LARP4B: variants seen among roughly 807,000 people sequenced by gnomAD.
The protein encoded by LARP4B is la-related protein 4B.
Under a neutral mutation model 89.8 loss-of-function variants are expected in LARP4B, and 12 were observed. The ratio of observed to expected loss-of-function variants is 0.13; its 90% CI spans 0.09 to 0.22. The LOEUF (loss-of-function observed/expected upper bound fraction) is 0.22. Ranked by LOEUF, LARP4B falls within the 10% of genes least tolerant of loss-of-function variation. The pLI, the probability that LARP4B is intolerant of heterozygous loss-of-function variation, is 1.00. For synonymous variants in LARP4B, 367 were observed against 363.3 expected (o/e 1.01, Z -0.12); for missense variants, 757 against 947.7 (o/e 0.80, Z 2.64).
At chr10:929,889 CT>C (rs1297839843) in intron 1 of LARP4B, among the ~76,000 whole-genome samples, 1 of 152,088 alleles carries the variant, frequency 6.6e-6, no homozygotes, top group Non-Finnish European at 1.5e-5. Flanking sequence ...AAATAATAAG[CT>C]TGTTAATCTG....
At position 811,948 on chromosome 10, in the gene LARP4B, A is replaced by G. The variant is rs749986012; in HGVS notation, c.*978T>C. ...GAACTTTATCCTCCACCAGCCAAAG[A>G]GGGGGAAAAACCACAAACACCATTC... On this transcript the variant is annotated 3_prime_UTR_variant, in exon 18 of 18. Transcript: ENST00000316157. 7 of 152,304 alleles carry G rather than the reference A, an allele frequency of 4.6e-5. No homozygotes were observed. Among genetic ancestry groups the G allele is most frequent in the African/African-American group, 1.2e-4 (5 of 41,440 alleles). 9.4% of individuals were successfully genotyped at this position (152,304 alleles called of 1,614,324 possible). A position where few individuals can be genotyped will look rare whatever the true frequency, so the allele number is the denominator to read the frequency against.
chr10:970,056 G>A, the LARP4B span, among the ~76,000 whole-genome samples: 1 of 152,134 alleles, frequency 6.6e-6, no homozygotes, highest in African/African-American at 2.4e-5. Flanking sequence ...CAGGGCCGTC[G>A]GGCAGTGACT....
chr10:818,820 C>G (rs951465121), intron 14 of LARP4B: 2 of 152,222 alleles, frequency 1.3e-5, no homozygotes, highest in African/African-American at 2.4e-5. Context: ...ATCCACCTAA[C>G]TGGAAAGTGC....
At chr10:834,262 C>A (rs566891749) in intron 8 of LARP4B, among the ~76,000 whole-genome samples, 2 of 152,278 alleles carry the variant, frequency 1.3e-5, no homozygotes, top group Non-Finnish European at 2.9e-5. Context: ...AGATAAAACA[C>A]ATCAACGCAA....
chr10:935,896 T>G (rs768382034), upstream of LARP4B, among the ~76,000 whole-genome samples: 7 of 148,990 alleles, frequency 4.7e-5, no homozygotes, highest in Non-Finnish European at 8.9e-5. Context: ...TTTTTGTTGT[T>G]TTTTTTTTTT....
the LARP4B span, among the ~76,000 whole-genome samples, chr10:970,418 A>C: frequency 1.3e-5 from 2 of 152,274 alleles, no homozygotes; most frequent in East Asian, 3.9e-4. Context: ...ATTAAGCAAT[A>C]TCTTCCACCC....
At position 863,890 on chromosome 10, in the gene LARP4B, T is replaced by G. The variant is rs1834757532; in HGVS notation, c.290-7A>C. The G allele has an allele frequency of 6.2e-7, 1 of 1,606,654 alleles. No individual in the cohort carries two copies. Among genetic ancestry groups the G allele is most frequent in the African/African-American group, 1.3e-5 (1 of 74,426 alleles). ...TCACCATTGGCATCCGATCCTACAA[T>G]TAGGAGTTTACCCCAAAAAGGCAGG... On this transcript the variant is annotated splice_polypyrimidine_tract_variant and splice_region_variant and intron_variant, in intron 4 of 17. Coordinates refer to ENST00000316157, the MANE Select transcript of LARP4B (RefSeq NM_015155.3).
intron 8 of LARP4B, among the ~76,000 whole-genome samples, chr10:831,921 A>G (rs1041501771): frequency 2.0e-5 from 3 of 152,280 alleles, no homozygotes; most frequent in African/African-American, 7.2e-5. Context: ...AGACCTAGAA[A>G]TGACAGATAC....
intron 14 of LARP4B, 152 bp downstream of exon 14, chr10:820,647 AG>A: frequency 1.5e-6 from 1 of 686,610 alleles, no homozygotes; most frequent in Non-Finnish European, 2.4e-6. Flanking sequence ...TAGGCCAGCC[AG>A]GGTGTCAGTT....
Position 887,504 on chromosome 10 carries a change from C to G in LARP4B, c.-39-1744G>C, listed in dbSNP as rs1311340016. ...GGCGGATGGATCACCTGAGGTAAGG[C>G]GTTCGAGACCAGCCTGGCCAACATG... On this transcript the variant is annotated intron_variant, in intron 1 of 17. Coordinates refer to ENST00000316157, the MANE Select transcript of LARP4B (RefSeq NM_015155.3). 4.7e-5 allele frequency among the ~76,000 whole-genome samples: 7 copies of G among 149,172 alleles called. No individual in the cohort carries two copies. The East Asian group carries it at 8.0e-4, about 17-fold the overall frequency.
At chr10:836,348 C>A in intron 8 of LARP4B, 55 bp downstream of exon 8, 2 of 1,259,402 alleles carry the variant, frequency 1.6e-6, no homozygotes, top group Non-Finnish European at 2.3e-6. Context: ...AAATCAAAAC[C>A]AACAAAGACC....
At position 816,480 on chromosome 10, in the gene LARP4B, C is replaced by A. The variant is rs145473571; in HGVS notation, c.1695+1245G>T. On this transcript the variant is annotated intron_variant, in intron 15 of 17. Transcript: ENST00000316157. ...TACACCTGGGTGGTGGCATAAGGCT[C>A]AGGGTCAGGCTTTTCAAAGAAGCAA... 3.2e-3 allele frequency among the ~76,000 whole-genome samples: 480 copies of A among 152,312 alleles called. 1 individual carries two copies. Among genetic ancestry groups the A allele is most frequent in the African/African-American group, 0.011 (450 of 41,576 alleles).
rs770870611 is a variant in LARP4B, at chr10:817,763, T to C, written c.1657A>G (p.Arg553Gly). Reference sequence around the variant, plus strand: ...GGTCCTATTATCAAGCTAGATAGCCTGTTTTCAAACAAGTCCTCTGTCTTC... The same window carrying C: ...GGTCCTATTATCAAGCTAGATAGCCCGTTTTCAAACAAGTCCTCTGTCTTC... ...NLKTEDLFEN[R>G]LSSLIIGPSK... The change falls in exon 15 of 18, where the codon AGG becomes GGG. Residue 553 changes from arginine to glycine, a missense_variant. Physicochemically the swap from Arg to Gly is moderately radical, Grantham distance 125 (BLOSUM62 -2). Coordinates refer to ENST00000316157, the MANE Select transcript of LARP4B (RefSeq NM_015155.3). 4 of 1,614,224 alleles carry C rather than the reference T, an allele frequency of 2.5e-6. No homozygotes were observed. The highest frequency in any genetic ancestry group is 3.3e-4 in the Middle Eastern group (2 of 6,062).
intron 1 of LARP4B, among the ~76,000 whole-genome samples, chr10:924,730 AG>A (rs1223280219): frequency 3.9e-5 from 6 of 152,190 alleles, no homozygotes; most frequent in Non-Finnish European, 7.4e-5. Flanking sequence ...TCACAACCTC[AG>A]GGAAGCCTTC....
chr10:815,125 G>C (rs1028113943), intron 15 of LARP4B, 55 bp from the exon 16 acceptor site: 11 of 1,502,564 alleles, frequency 7.3e-6, no homozygotes, highest in Non-Finnish European at 9.8e-6. Context: ...AGCGGAGCTG[G>C]TACCAGTGCC....
At chr10:917,963 T>A (rs1836870140) in intron 1 of LARP4B, among the ~76,000 whole-genome samples, 1 of 152,218 alleles carries the variant, frequency 6.6e-6, no homozygotes. Context: ...AAAACTATAG[T>A]ACCCATGTTA....
the LARP4B span, chr10:942,741 T>C: frequency 6.6e-6 from 1 of 152,062 alleles, no homozygotes; most frequent in Non-Finnish European, 1.5e-5. Flanking sequence ...AAAATTCTGA[T>C]AATTTTGTGA....
At chr10:825,928 T>A in intron 11 of LARP4B, 58 bp from the exon 12 acceptor site, 2 of 1,096,950 alleles carry the variant, frequency 1.8e-6, no homozygotes, top group Non-Finnish European at 2.7e-6. Context: ...TCAATTTCAT[T>A]AATACCAACA....
intron 1 of LARP4B, among the ~76,000 whole-genome samples, chr10:887,074 T>G (rs1418189469): frequency 6.7e-6 from 1 of 149,368 alleles, no homozygotes; most frequent in African/African-American, 2.5e-5. Flanking sequence ...GCAACAAGAG[T>G]GAAACTCCAC....
Sources: gnomAD v4.1 joint callset for allele counts (sites outside exome capture counted in the v4.1 genomes callset) on GRCh38, gnomAD v4.1.1 for gene constraint, MANE v1.5 for transcripts, NCBI Gene and HGNC (gene_info 2026-07-23, HGNC 2026-07-21) for gene names.